The following ARHGAP17 variants were observed in gnomAD, a reference collection of about 807,000 sequenced individuals.
ARHGAP17 encodes Rho GTPase activating protein 17.
ARHGAP17 carries 57 observed loss-of-function variants against 99.5 expected under a neutral mutation model. The ratio of observed to expected loss-of-function variants is 0.57; its 90% CI spans 0.46 to 0.71. The LOEUF (loss-of-function observed/expected upper bound fraction) is 0.71, where lower values mean the gene tolerates loss of function less well. ARHGAP17 is among the 30% of genes least tolerant of loss of function. ARHGAP17 has a pLI of 0.00. For synonymous variants in ARHGAP17, 417 were observed against 429.6 expected (o/e 0.97, Z 0.36); for missense variants, 1,000 against 1,122.4 (o/e 0.89, Z 1.56).
chr16:24,956,345 A>C (rs1467502574), intron 9 of ARHGAP17: 1 of 152,356 alleles, frequency 6.6e-6, no homozygotes, highest in Non-Finnish European at 1.5e-5. Context: ...GCAAGTCATA[A>C]GGCAAATTCC....
At chr16:24,960,593 G>A (rs147131985) in intron 7 of ARHGAP17, among the ~76,000 whole-genome samples, 2,846 of 151,600 alleles carry the variant, frequency 0.019, 96 homozygotes, top group African/African-American at 0.066. Context: ...CAAGGTGGGC[G>A]GATCACAACG....
chr16:24,958,035 ATTGCAACTCGG>A (rs1178750324), intron 9 of ARHGAP17, among the ~76,000 whole-genome samples: 1 of 152,174 alleles, frequency 6.6e-6, no homozygotes, highest in Non-Finnish European at 1.5e-5. Flanking sequence ...GAGGGGTTGA[ATTGCAACTCGG>A]TAAAGGGTGA....
intron 1 of ARHGAP17, among the ~76,000 whole-genome samples, chr16:24,995,390 G>C (rs2053163913): frequency 6.6e-6 from 1 of 152,200 alleles, no homozygotes; most frequent in South Asian, 2.1e-4. Context: ...AGACCTACTG[G>C]ATGAGTTGGA....
At chr16:25,005,426 G>C (rs181994755) in intron 1 of ARHGAP17, among the ~76,000 whole-genome samples, 301 of 152,274 alleles carry the variant, frequency 2.0e-3, no homozygotes, top group African/African-American at 6.9e-3. Flanking sequence ...GAACAAGAAT[G>C]CTAACTTGTT....
At chr16:24,923,032 C>A (rs952645094) in intron 19 of ARHGAP17, among the ~76,000 whole-genome samples, 1 of 152,118 alleles carries the variant, frequency 6.6e-6, no homozygotes, top group Non-Finnish European at 1.5e-5. Context: ...GTACTATACA[C>A]CCACACTTTA....
intron 19 of ARHGAP17, among the ~76,000 whole-genome samples, chr16:24,924,560 T>A (rs553720339): frequency 6.6e-6 from 1 of 151,934 alleles, no homozygotes; most frequent in South Asian, 2.1e-4. Flanking sequence ...AGGTTTAGGG[T>A]GCTTTTAGAA....
At chr16:24,995,807 T>C (rs559761792) in intron 1 of ARHGAP17, among the ~76,000 whole-genome samples, 31 of 152,288 alleles carry the variant, frequency 2.0e-4, no homozygotes, top group African/African-American at 7.2e-4. Flanking sequence ...GGCTGTTACA[T>C]GCATTTAAAC....
At chr16:24,996,586 C>T (rs2053197905) in intron 1 of ARHGAP17, among the ~76,000 whole-genome samples, 1 of 152,150 alleles carries the variant, frequency 6.6e-6, no homozygotes, top group African/African-American at 2.4e-5. Context: ...CCTCCCTCTA[C>T]CCCAAGCAAG....
intron 1 of ARHGAP17, among the ~76,000 whole-genome samples, chr16:25,011,154 T>A (rs1459473499): frequency 6.6e-6 from 1 of 152,168 alleles, no homozygotes; most frequent in Non-Finnish European, 1.5e-5. Flanking sequence ...AAACAAAACA[T>A]CTCTCTTTTT....
Position 24,925,265 on chromosome 16 carries a change from G to A in ARHGAP17, c.2516-5005C>T, listed in dbSNP as rs569205343. 7.9e-5 allele frequency among the ~76,000 whole-genome samples: 12 copies of A among 152,276 alleles called. 1 individual carries two copies. In the East Asian group the frequency reaches 2.3e-3, roughly 29 times the overall value. ...GTTGCCACACCTGCCTATAATCCCA[G>A]CTACTTGGGAGGCTGAGGCAAGAGA... is the stretch of plus-strand genomic sequence containing the variant. On this transcript the variant is annotated intron_variant, in intron 19 of 19. Transcript: ENST00000289968.
At chr16:24,994,685 G>T (rs1288395618) in intron 1 of ARHGAP17, among the ~76,000 whole-genome samples, 1 of 152,116 alleles carries the variant, frequency 6.6e-6, no homozygotes, top group Non-Finnish European at 1.5e-5. Flanking sequence ...TATTACCCCC[G>T]TGTTACAGAG....
At chr16:24,946,350 T>C (rs562925145) in intron 14 of ARHGAP17, among the ~76,000 whole-genome samples, 73 of 151,940 alleles carry the variant, frequency 4.8e-4, no homozygotes, top group Non-Finnish European at 9.9e-4. Flanking sequence ...CCATAAACGA[T>C]GGAAACCAGG....
Position 24,919,895 on chromosome 16 carries a change from A to G in ARHGAP17, c.*235T>C. The G allele has an allele frequency of 6.7e-6, 3 of 450,530 alleles. No homozygotes were observed. Among genetic ancestry groups the G allele is most frequent in the Non-Finnish European group, 1.1e-5 (3 of 269,286 alleles). The allele number at this position is 450,530 out of a possible 1,614,324, so 27.9% of individuals were successfully genotyped here. A position where few individuals can be genotyped will look rare whatever the true frequency, so the allele number is the denominator to read the frequency against. ...CTTCTTTGTTTTGGATTTTTTTGGC[A>G]TGATTTCCTTCCCATGTAAAGAAAG... is the stretch of plus-strand genomic sequence containing the variant. On this transcript the variant is annotated 3_prime_UTR_variant, in exon 20 of 20. Transcript: ENST00000289968.
chr16:24,954,580 C>T, intron 10 of ARHGAP17, 23 bp downstream of exon 10: 1 of 1,605,084 alleles, frequency 6.2e-7, no homozygotes, highest in Non-Finnish European at 8.5e-7. Flanking sequence ...ACTTGGTGCA[C>T]AGGATCACGA....
At chr16:25,003,822 CAA>C (rs5816273) in intron 1 of ARHGAP17, among the ~76,000 whole-genome samples, 34 of 133,248 alleles carry the variant, frequency 2.6e-4, no homozygotes, top group East Asian at 4.2e-4. Flanking sequence ...GAATCCATCT[CAA>C]AAAAAAAAAA....
chr16:24,959,166 A>C (rs544826649), intron 9 of ARHGAP17, among the ~76,000 whole-genome samples: 2 of 152,232 alleles, frequency 1.3e-5, no homozygotes, highest in Non-Finnish European at 2.9e-5. Flanking sequence ...ATAAAGACAA[A>C]GGAGGAGTCT....
chr16:24,968,888 G>A (rs536664627), intron 4 of ARHGAP17, 116 bp from the exon 5 acceptor site: 4 of 860,942 alleles, frequency 4.6e-6, no homozygotes, highest in Admixed American at 2.3e-5. Flanking sequence ...GCTACCTAAC[G>A]AGCCTTGAAA....
chr16:24,932,938 G>T (rs1055660783), intron 18 of ARHGAP17, among the ~76,000 whole-genome samples: 1 of 152,084 alleles, frequency 6.6e-6, no homozygotes, highest in African/African-American at 2.4e-5. Context: ...ACCAAGTAAG[G>T]CCTTTTATAT....
intron 10 of ARHGAP17, among the ~76,000 whole-genome samples, chr16:24,954,099 A>G (rs939937859): frequency 2.6e-5 from 4 of 152,236 alleles, no homozygotes; most frequent in African/African-American, 9.6e-5. Context: ...AACTCCCTGC[A>G]TGCTGACTTC....
Sources: gnomAD v4.1 joint callset for allele counts (sites outside exome capture counted in the v4.1 genomes callset) on GRCh38, gnomAD v4.1.1 for gene constraint, MANE v1.5 for transcripts, NCBI Gene and HGNC (gene_info 2026-07-23, HGNC 2026-07-21) for gene names.